Variants in CSMD1 observed in about 807,000 individuals in gnomAD.
CSMD1 encodes CUB and Sushi multiple domains 1, also known as CUB and sushi domain-containing protein 1.
A neutral mutation model predicts 417.5 loss-of-function variants in CSMD1; 213 were observed. The observed-to-expected ratio is 0.51, with a 90% CI of 0.46 to 0.57. CSMD1 has a LOEUF of 0.57. Among genes scored for constraint, CSMD1 ranks in the 20% least tolerant of loss-of-function variants. The pLI, the probability that CSMD1 is intolerant of heterozygous loss-of-function variation, is 0.00. For missense variants in CSMD1, 6,923 were observed against 4,529.7 expected (o/e 1.53, Z -15.17); for synonymous variants, 2,862 against 1,736.8 (o/e 1.65, Z -16.11).
At chr8:4,098,603 T>A (rs541500865) in intron 3 of CSMD1, among the ~76,000 whole-genome samples, 1 of 152,076 alleles carries the variant, frequency 6.6e-6, no homozygotes, top group African/African-American at 2.4e-5. Flanking sequence ...CTCTCTAAGG[T>A]TCAAATAAGT....
intron 11 of CSMD1, among the ~76,000 whole-genome samples, chr8:3,478,887 G>C (rs35366989): frequency 0.19 from 29,137 of 152,108 alleles, 2,757 homozygotes; most frequent in East Asian, 0.22. Flanking sequence ...CTTCGTCCCA[G>C]TAGGTGTGAG....
At chr8:3,012,636 G>A (rs1258255807) in intron 52 of CSMD1, among the ~76,000 whole-genome samples, 1 of 152,194 alleles carries the variant, frequency 6.6e-6, no homozygotes, top group Non-Finnish European at 1.5e-5. Flanking sequence ...AAGGTATACA[G>A]CCCAAGGGAA....
intron 5 of CSMD1, among the ~76,000 whole-genome samples, chr8:3,876,714 A>G (rs960101651): frequency 1.4e-4 from 21 of 152,160 alleles, no homozygotes; most frequent in Non-Finnish European, 1.5e-5. Context: ...GGCTCAAGCA[A>G]TCCTCCAGCC....
At chr8:4,083,022 C>A (rs965417658) in intron 3 of CSMD1, among the ~76,000 whole-genome samples, 5 of 151,858 alleles carry the variant, frequency 3.3e-5, no homozygotes, top group African/African-American at 1.2e-4. Flanking sequence ...CATTGTTGGA[C>A]ATTTGGGTTT....
chr8:3,600,881 G>C, intron 8 of CSMD1, among the ~76,000 whole-genome samples: 1 of 152,264 alleles, frequency 6.6e-6, no homozygotes, highest in Middle Eastern at 3.4e-3. Flanking sequence ...TTAAATAAAT[G>C]ATTTCAATAC....
chr8:4,628,407 C>T (rs929709719), intron 2 of CSMD1, among the ~76,000 whole-genome samples: 1 of 114,460 alleles, frequency 8.7e-6, no homozygotes, highest in South Asian at 2.8e-4. Context: ...CATATATATA[C>T]ACATATATAT....
chr8:4,621,325 G>T (rs1433707818), intron 2 of CSMD1, among the ~76,000 whole-genome samples: 1 of 152,022 alleles, frequency 6.6e-6, no homozygotes, highest in South Asian at 2.1e-4. Context: ...GTCAGGTGTG[G>T]AATTTTCCAC....
chr8:4,397,521 C>A (rs1176997298), intron 3 of CSMD1, among the ~76,000 whole-genome samples: 39 of 120,138 alleles, frequency 3.2e-4, no homozygotes, highest in Non-Finnish European at 3.4e-5. Context: ...AAGCCTGAGA[C>A]TCTTTTTTTT....
intron 5 of CSMD1, among the ~76,000 whole-genome samples, chr8:3,785,687 T>C (rs991517807): frequency 3.9e-5 from 6 of 152,058 alleles, no homozygotes; most frequent in Non-Finnish European, 5.9e-5. Flanking sequence ...GTGGGCTGTG[T>C]GCATGGAGGA....
intron 7 of CSMD1, 44 bp downstream of exon 7, chr8:3,708,370 T>A: frequency 6.5e-7 from 1 of 1,539,812 alleles, no homozygotes; most frequent in Non-Finnish European, 9.0e-7. Flanking sequence ...CTCCTCTGCT[T>A]ACAAGGGCGT....
intron 1 of CSMD1, among the ~76,000 whole-genome samples, chr8:4,708,375 A>G (rs1044033842): frequency 2.0e-5 from 3 of 152,186 alleles, no homozygotes; most frequent in Non-Finnish European, 4.4e-5. Context: ...CTTGTTCATT[A>G]TTCTGTTCAG....
At chr8:2,998,273 C>T in intron 53 of CSMD1, 89 bp from the exon 54 acceptor site, 1 of 1,358,134 alleles carries the variant, frequency 7.4e-7, no homozygotes, top group Non-Finnish European at 1.0e-6. Flanking sequence ...TGCAGGCATG[C>T]TAACGGTATG....
intron 1 of CSMD1, among the ~76,000 whole-genome samples, chr8:4,809,253 C>T (rs141886449): frequency 2.0e-5 from 3 of 152,252 alleles, no homozygotes; most frequent in Non-Finnish European, 4.4e-5. Flanking sequence ...GGAAAAAATA[C>T]TTCTAATGAA....
chr8:3,163,235 G>T (rs1420143936), intron 37 of CSMD1, among the ~76,000 whole-genome samples: 1 of 152,166 alleles, frequency 6.6e-6, no homozygotes, highest in Non-Finnish European at 1.5e-5. Context: ...TGAAGAAATA[G>T]TGGAGAAAGG....
rs11986310 is a variant in CSMD1, at chr8:4,588,338, G to C, written c.302+49004C>G. Among the ~76,000 whole-genome samples the C allele has an allele frequency of 1.2e-3, 179 of 145,508 alleles. 1 individual carries two copies. The East Asian group carries it at 0.032, about 26-fold the overall frequency. On this transcript the variant is annotated intron_variant, in intron 2 of 69. Transcript: ENST00000635120. The stretch of plus-strand genomic sequence containing the variant: ...ACATCAGACCACAGTTTCAAATACA[G>C]TATAGAGAGCACACACTGGCTATGC...
intron 3 of CSMD1, among the ~76,000 whole-genome samples, chr8:4,273,308 G>C (rs1008111129): frequency 6.6e-5 from 10 of 152,182 alleles, no homozygotes; most frequent in African/African-American, 2.4e-4. Flanking sequence ...AATTTTTCCA[G>C]TTTTATGTCA....
chr8:3,755,767 T>G (rs1209596055), intron 5 of CSMD1, among the ~76,000 whole-genome samples: 1 of 152,160 alleles, frequency 6.6e-6, no homozygotes, highest in Non-Finnish European at 1.5e-5. Context: ...AAACCTTGAC[T>G]GTAACCAATT....
At chr8:3,061,000 T>C (rs1412256345) in intron 49 of CSMD1, among the ~76,000 whole-genome samples, 1 of 152,176 alleles carries the variant, frequency 6.6e-6, no homozygotes, top group Admixed American at 6.6e-5. Flanking sequence ...TGATCAAATA[T>C]GCACATATAT....
intron 39 of CSMD1, among the ~76,000 whole-genome samples, chr8:3,157,193 G>C (rs1819589530): frequency 6.6e-6 from 1 of 151,974 alleles, no homozygotes; most frequent in African/African-American, 2.4e-5. Flanking sequence ...TCTGAGTTGG[G>C]CTACAACAAA....
Sources: allele counts gnomAD v4.1 joint callset (sites outside exome capture counted in the v4.1 genomes callset), GRCh38; gene constraint gnomAD v4.1.1; transcripts MANE v1.5; gene names NCBI Gene and HGNC (gene_info 2026-07-23, HGNC 2026-07-21).